Variants in ADCYAP1R1 observed in about 807,000 individuals in gnomAD.
ADCYAP1R1 encodes pituitary adenylate cyclase-activating polypeptide type I receptor.
ADCYAP1R1 carries 44 observed loss-of-function variants against 67.6 expected under a neutral mutation model. The observed-to-expected ratio is 0.65, with a 90% confidence interval of 0.51 to 0.84. The LOEUF (loss-of-function observed/expected upper bound fraction) is 0.84, where lower values mean the gene tolerates loss of function less well. Among genes scored for constraint, ADCYAP1R1 ranks in the 40% least tolerant of loss-of-function variants. ADCYAP1R1 has a pLI of 0.00. For missense variants in ADCYAP1R1, 477 were observed against 587.9 expected, an observed-to-expected ratio of 0.81 and a Z score of 1.95; for synonymous variants, 222 against 219.6, an observed-to-expected ratio of 1.01 and a Z score of -0.10.
chr7:31,095,615 C>T, intron 13 of ADCYAP1R1: 5 of 716,876 alleles, frequency 7.0e-6, no homozygotes, highest in Non-Finnish European at 1.3e-5. Context: ...GGCCAAGAAG[C>T]CCCTTCAGAT....
intron 3 of ADCYAP1R1, among the ~76,000 whole-genome samples, 156 bp from the exon 4 acceptor site, chr7:31,077,835 G>A (rs111711127): frequency 4.6e-5 from 5 of 109,618 alleles, no homozygotes; most frequent in Non-Finnish European, 8.6e-5. Flanking sequence ...TGTGTTTGTT[G>A]GTGTTGTGTG....
intron 3 of ADCYAP1R1, among the ~76,000 whole-genome samples, chr7:31,070,054 C>A (rs1286625672): frequency 6.6e-6 from 1 of 152,140 alleles, no homozygotes; most frequent in African/African-American, 2.4e-5. Flanking sequence ...ACATTGGGGG[C>A]CAGAGCCAGC....
chr7:31,054,674 G>A (rs888245492), intron 1 of ADCYAP1R1, among the ~76,000 whole-genome samples: 1 of 152,242 alleles, frequency 6.6e-6, no homozygotes, highest in Admixed American at 6.5e-5. Flanking sequence ...CATTGACCTG[G>A]GGCTGGCACT....
Position 31,062,943 on chromosome 7 carries a change from T to A in ADCYAP1R1, c.-71-251T>A, listed in dbSNP as rs549335149. ...CCAAGGAGAAAGCCATTCCAGACCA[T>A]GCCAGGAGACTGGTGGAGCTGAGCC... is the stretch of plus-strand genomic sequence containing the variant. On this transcript the variant is annotated intron_variant, in intron 1 of 15. Coordinates refer to ENST00000304166, the MANE Select transcript of ADCYAP1R1 (RefSeq NM_001118.5). 3.8e-4 allele frequency among the ~76,000 whole-genome samples: 58 copies of A among 152,338 alleles called. No homozygotes were observed. The Middle Eastern group carries it at 0.01, about 27-fold the overall frequency.
chr7:31,107,054 G>A lies in ADCYAP1R1; in HGVS notation c.*370G>A, dbSNP rs1796678195. ...GGCCTGACCCCAGCTGTGAGGCCTTGTGAGCTAAGGCTGAAGAGACCTTGC... is the reference window on the plus strand; with the variant it reads ...GGCCTGACCCCAGCTGTGAGGCCTTATGAGCTAAGGCTGAAGAGACCTTGC... On this transcript the variant is annotated 3_prime_UTR_variant, in exon 16 of 16. Coordinates refer to ENST00000304166, the MANE Select transcript of ADCYAP1R1 (RefSeq NM_001118.5). 1 of 209,122 alleles carries A rather than the reference G, an allele frequency of 4.8e-6. No individual in the cohort carries two copies. 13.0% of individuals were successfully genotyped at this position (209,122 alleles called of 1,614,324 possible). A position where few individuals can be genotyped will look rare whatever the true frequency, so the allele number is the denominator to read the frequency against.
At chr7:31,054,687 TTAAGTGGAGGACATCTTGTGCTG>T (rs1040842300) in intron 1 of ADCYAP1R1, among the ~76,000 whole-genome samples, 37 of 152,264 alleles carry the variant, frequency 2.4e-4, no homozygotes, top group African/African-American at 8.7e-4. Flanking sequence ...CTGGCACTGA[TTAAGTGGAGGACATCTTGTGCTG>T]TCTGCCACAG....
At position 31,106,837 on chromosome 7, in the gene ADCYAP1R1, C is replaced by A; in HGVS notation, c.*153C>A. 1.1e-6 allele frequency: 1 copy of A among 936,710 alleles called. No individual in the cohort carries two copies. The highest frequency in any genetic ancestry group is 1.5e-6 in the Non-Finnish European group (1 of 646,950). 58.0% of individuals were successfully genotyped at this position (936,710 alleles called of 1,614,324 possible). A position where few individuals can be genotyped will look rare whatever the true frequency, so the allele number is the denominator to read the frequency against. ...GGGGGAGAAGGAGGCAGGGCACAGA[C>A]TGGAATTGTCCCCTCCTTGTTTTGG... On this transcript the variant is annotated 3_prime_UTR_variant, in exon 16 of 16. Transcript: ENST00000304166.
At chr7:31,087,585 G>A (rs1462982854) in intron 11 of ADCYAP1R1, 42 bp from the exon 12 acceptor site, 15 of 1,593,148 alleles carry the variant, frequency 9.4e-6, no homozygotes, top group Admixed American at 1.7e-5. Flanking sequence ...CTATGCTGCC[G>A]ACTCACAGAC....
intron 13 of ADCYAP1R1, among the ~76,000 whole-genome samples, chr7:31,094,278 C>G (rs1796093983): frequency 6.6e-6 from 1 of 152,052 alleles, no homozygotes; most frequent in South Asian, 2.1e-4. Flanking sequence ...GGGGCCAGCC[C>G]TTTGCTACTA....
chr7:31,081,702 G>A lies in ADCYAP1R1; in HGVS notation c.287-11G>A. The stretch of plus-strand genomic sequence containing the variant: ...GGCATTTTGATATATGCCTATGTCT[G>A]TATTTTTCAGGAGAGTCTGATTTTG... On this transcript the variant is annotated splice_polypyrimidine_tract_variant and intron_variant, in intron 5 of 15. Coordinates refer to ENST00000304166, the MANE Select transcript of ADCYAP1R1 (RefSeq NM_001118.5). 3 of 1,595,366 alleles carry A rather than the reference G, an allele frequency of 1.9e-6. No individual in the cohort carries two copies. Among genetic ancestry groups the A allele is most frequent in the South Asian group, 2.3e-5 (2 of 85,982 alleles).
chr7:31,055,427 T>C (rs1794198979), intron 1 of ADCYAP1R1, among the ~76,000 whole-genome samples: 1 of 152,046 alleles, frequency 6.6e-6, no homozygotes, highest in African/African-American at 2.4e-5. Flanking sequence ...CAGATAGCAA[T>C]TATTTTACGC....
At chr7:31,062,383 A>G (rs1019251192) in intron 1 of ADCYAP1R1, among the ~76,000 whole-genome samples, 2 of 152,158 alleles carry the variant, frequency 1.3e-5, no homozygotes, top group Admixed American at 6.5e-5. Context: ...TTTCCGTGTC[A>G]TGGTTTAAGA....
chr7:31,074,187 G>C (rs1795105107), intron 3 of ADCYAP1R1, among the ~76,000 whole-genome samples: 1 of 152,158 alleles, frequency 6.6e-6, no homozygotes, highest in Non-Finnish European at 1.5e-5. Context: ...CATGGTGGAG[G>C]GGGCGGTGAC....
chr7:31,062,977 C>A (rs940251751), intron 1 of ADCYAP1R1, among the ~76,000 whole-genome samples: 2 of 152,198 alleles, frequency 1.3e-5, no homozygotes, highest in Non-Finnish European at 2.9e-5. Context: ...CCAGTGTGTG[C>A]CCACAGTATC....
intron 1 of ADCYAP1R1, among the ~76,000 whole-genome samples, chr7:31,053,566 A>C (rs2128610478): frequency 6.6e-6 from 1 of 152,278 alleles, no homozygotes; most frequent in African/African-American, 2.4e-5. Flanking sequence ...TTTCACGTGG[A>C]GCTGAGGAGG....
Position 31,106,624 on chromosome 7 carries a change from G to A in ADCYAP1R1, c.1347G>A (p.Leu449=), listed in dbSNP as rs751283801. 1 of 1,613,724 alleles carries A rather than the reference G, an allele frequency of 6.2e-7. No individual in the cohort carries two copies. Among genetic ancestry groups the A allele is most frequent in the Non-Finnish European group, 8.5e-7 (1 of 1,179,778 alleles). ...GVNGGTQLSI[L]SKSSSQIRMS... ...ATGGGGGCACCCAGCTCTCCATCCT[G>A]AGCAAGAGCAGCTCCCAAATCCGCA... Residue 449 remains leucine (L), a synonymous_variant, in exon 16 of 16, where the codon CTG becomes CTA. Coordinates refer to ENST00000304166, the MANE Select transcript of ADCYAP1R1 (RefSeq NM_001118.5).
chr7:31,086,244 C>G lies in ADCYAP1R1; in HGVS notation c.670-140C>G. 1.1e-6 allele frequency: 1 copy of G among 951,206 alleles called. No individual in the cohort carries two copies. Among genetic ancestry groups the G allele is most frequent in the Non-Finnish European group, 1.5e-6 (1 of 654,584 alleles). 58.9% of individuals were successfully genotyped at this position (951,206 alleles called of 1,614,324 possible). Reference sequence around the variant, plus strand: ...TCATGGGATGCTGCAATTTTCAACTCTTTGATCCAGGAATATTGACTCTCT... The same window carrying G: ...TCATGGGATGCTGCAATTTTCAACTGTTTGATCCAGGAATATTGACTCTCT... On this transcript the variant is annotated intron_variant, in intron 9 of 15. Coordinates refer to ENST00000304166, the MANE Select transcript of ADCYAP1R1 (RefSeq NM_001118.5). The surrounding 1 kb of genome is among the most constrained non-coding windows in gnomAD (Gnocchi z 5.0).
In ADCYAP1R1 at chr7:31,084,184, G is replaced by T. The variant is rs145874154; in HGVS notation, c.372G>T (p.Ser124=). 1.2e-6 allele frequency: 2 copies of T among 1,614,126 alleles called. No homozygotes were observed. Among genetic ancestry groups the T allele is most frequent in the Non-Finnish European group, 1.7e-6 (2 of 1,180,014 alleles). Reference sequence around the variant, plus strand: ...GGAACTGCACGGAGGATGGCTGGTCGGAACCCTTCCCTCATTACTTTGATG... The same window carrying T: ...GGAACTGCACGGAGGATGGCTGGTCTGAACCCTTCCCTCATTACTTTGATG... ...VSRNCTEDGW[S]EPFPHYFDAC... The change falls in exon 7 of 16, where the codon TCG becomes TCT. Residue 124 remains serine (S), a synonymous_variant. Transcript: ENST00000304166.
chr7:31,084,498 C>A (rs1260035028), intron 7 of ADCYAP1R1, among the ~76,000 whole-genome samples: 2 of 152,214 alleles, frequency 1.3e-5, no homozygotes, highest in South Asian at 4.1e-4. Flanking sequence ...GATTGGACAG[C>A]GCTCTTGCCT....
Sources: gnomAD v4.1 joint callset for allele counts (sites outside exome capture counted in the v4.1 genomes callset) on GRCh38, gnomAD v4.1.1 for gene constraint, Gnocchi (gnomAD v3.1) non-coding constraint, MANE v1.5 for transcripts, NCBI Gene and HGNC (gene_info 2026-07-23, HGNC 2026-07-21) for gene names.